The following SULT1B1 variants were observed in gnomAD, a reference collection of about 807,000 sequenced individuals.
SULT1B1 encodes the protein sulfotransferase family 1B member 1.
In SULT1B1, 28 loss-of-function variants were observed where a neutral mutation model predicts 34.6. The observed-to-expected ratio is 0.81, with a 90% CI of 0.60 to 1.11. SULT1B1 has a LOEUF of 1.11. SULT1B1 is among the 50% of genes least tolerant of loss of function. The probability of loss-of-function intolerance (pLI) is 0.00; values close to 1 mark genes in which losing one functional copy is unlikely to be tolerated. For synonymous variants in SULT1B1, 147 were observed against 110.2 expected (o/e 1.33, Z -2.09); for missense variants, 374 against 352.2 (o/e 1.06, Z -0.50).
At chr4:69,743,066 A>G (rs978885036) in intron 4 of SULT1B1, among the ~76,000 whole-genome samples, 1 of 152,210 alleles carries the variant, frequency 6.6e-6, no homozygotes, top group African/African-American at 2.4e-5. Flanking sequence ...GAAGGGCCAC[A>G]GGTCTTCTCT....
At chr4:69,754,245 C>T (rs1719097809) in intron 3 of SULT1B1, among the ~76,000 whole-genome samples, 1 of 152,046 alleles carries the variant, frequency 6.6e-6, no homozygotes, top group Non-Finnish European at 1.5e-5. Flanking sequence ...TACCATAGCA[C>T]AGTGAATAAT....
chr4:69,735,264 G>C (rs145352995), intron 4 of SULT1B1, among the ~76,000 whole-genome samples: 171 of 152,122 alleles, frequency 1.1e-3, no homozygotes, highest in African/African-American at 4.0e-3. Context: ...ATATACTCTT[G>C]GATTGGGCAG....
At chr4:69,758,943 A>C (rs1275072083) in intron 1 of SULT1B1, among the ~76,000 whole-genome samples, 1 of 152,208 alleles carries the variant, frequency 6.6e-6, no homozygotes, top group Non-Finnish European at 1.5e-5. Context: ...GAAATGTGGA[A>C]TCTCAGGTTT....
intron 4 of SULT1B1, among the ~76,000 whole-genome samples, chr4:69,737,531 T>G (rs557801524): frequency 6.6e-6 from 1 of 152,346 alleles, no homozygotes; most frequent in African/African-American, 2.4e-5. Flanking sequence ...GTTCAGTTTA[T>G]GTACAGGATC....
chr4:69,730,967 G>C lies in SULT1B1; in HGVS notation c.598-286C>G, dbSNP rs191488333. On this transcript the variant is annotated intron_variant, in intron 6 of 7. Transcript: ENST00000310613. ...AACGAGCAGACATGATGATAGTAGAGAGAAGCCCAAAATTAAAGATAGTAG... is the reference window on the plus strand; with the variant it reads ...AACGAGCAGACATGATGATAGTAGACAGAAGCCCAAAATTAAAGATAGTAG... 3.9e-5 allele frequency among the ~76,000 whole-genome samples: 6 copies of C among 152,302 alleles called. No individual in the cohort carries two copies. The South Asian group carries it at 1.2e-3, about 32-fold the overall frequency.
chr4:69,738,876 C>T (rs1242787027), intron 4 of SULT1B1, among the ~76,000 whole-genome samples: 1 of 152,058 alleles, frequency 6.6e-6, no homozygotes, highest in Admixed American at 6.5e-5. Context: ...GACACCCATT[C>T]CAAATGGGAA....
intron 1 of SULT1B1, chr4:69,758,237 G>T: frequency 1.1e-6 from 1 of 894,532 alleles, no homozygotes; most frequent in Non-Finnish European, 1.3e-6. Flanking sequence ...CAGTGTACTT[G>T]GGATGAAGTT....
At chr4:69,758,452 T>G (rs1244088327) in intron 1 of SULT1B1, 2 of 985,336 alleles carry the variant, frequency 2.0e-6, no homozygotes, top group Non-Finnish European at 1.2e-6. Context: ...ACATTTTATT[T>G]TATTAACTTC....
intron 7 of SULT1B1, among the ~76,000 whole-genome samples, chr4:69,729,216 C>A (rs976468667): frequency 1.3e-5 from 2 of 151,948 alleles, no homozygotes; most frequent in Non-Finnish European, 1.5e-5. Flanking sequence ...CACAACTGAC[C>A]CTTGAACAAT....
At chr4:69,752,708 T>A (rs1719023871) in intron 3 of SULT1B1, among the ~76,000 whole-genome samples, 1 of 152,256 alleles carries the variant, frequency 6.6e-6, no homozygotes, top group Non-Finnish European at 1.5e-5. Context: ...GATCCGTCTC[T>A]GCCTACGGAA....
intron 4 of SULT1B1, among the ~76,000 whole-genome samples, chr4:69,734,690 C>CA (rs1718229123): frequency 6.6e-6 from 1 of 150,774 alleles, no homozygotes; most frequent in Non-Finnish European, 1.5e-5. Flanking sequence ...AGTGAAATAC[C>CA]GAGAAAAATA....
Position 69,721,918 on chromosome 4 carries a change from T to A in SULT1B1, c.*5170A>T, listed in dbSNP as rs116515565. The A allele has an allele frequency of 1.0e-3, 152 of 152,224 alleles. No individual in the cohort carries two copies. Among genetic ancestry groups the A allele is most frequent in the African/African-American group, 3.6e-3 (150 of 41,572 alleles). The allele number at this position is 152,224 out of a possible 1,614,324, so 9.4% of individuals were successfully genotyped here. On this transcript the variant is annotated 3_prime_UTR_variant, in exon 8 of 8. Coordinates refer to ENST00000310613, the MANE Select transcript of SULT1B1 (RefSeq NM_014465.4). The stretch of plus-strand genomic sequence containing the variant: ...TATGAGATTATTTTAAGTGTTTTCA[T>A]TTGGAAATTGTACTGATGATTCAAC...
chr4:69,744,961 T>A (rs1009803727), intron 4 of SULT1B1, among the ~76,000 whole-genome samples: 4 of 152,230 alleles, frequency 2.6e-5, no homozygotes, highest in Non-Finnish European at 5.9e-5. Flanking sequence ...AAGACTTTTT[T>A]AAAATTTTCT....
rs561938371 is a variant in SULT1B1, at chr4:69,721,795, T to G, written c.*5293A>C. On this transcript the variant is annotated 3_prime_UTR_variant, in exon 8 of 8. Transcript: ENST00000310613. Reference sequence around the variant, plus strand: ...TTTTAGAAAATAGCCCTTTAGTTTATTAAGGAAAATTTCCATGGATGAGGA... The same window carrying G: ...TTTTAGAAAATAGCCCTTTAGTTTAGTAAGGAAAATTTCCATGGATGAGGA... The G allele has an allele frequency of 6.6e-6, 1 of 152,106 alleles. No individual in the cohort carries two copies. The allele number at this position is 152,106 out of a possible 1,614,324, so 9.4% of individuals were successfully genotyped here. A position where few individuals can be genotyped will look rare whatever the true frequency, so the allele number is the denominator to read the frequency against.
chr4:69,746,532 T>G (rs1718751785), intron 4 of SULT1B1, among the ~76,000 whole-genome samples: 1 of 152,228 alleles, frequency 6.6e-6, no homozygotes. Context: ...GTTCCTTTAG[T>G]GCATTTTTTA....
At chr4:69,756,836 T>C (rs966822052) in intron 1 of SULT1B1, among the ~76,000 whole-genome samples, 1 of 151,784 alleles carries the variant, frequency 6.6e-6, no homozygotes, top group African/African-American at 2.4e-5. Context: ...TCCAGGAGAG[T>C]CACCCTTTTG....
intron 4 of SULT1B1, among the ~76,000 whole-genome samples, chr4:69,739,236 C>G (rs892985813): frequency 6.6e-6 from 1 of 152,332 alleles, no homozygotes; most frequent in South Asian, 2.1e-4. Context: ...TGTGGGGGCT[C>G]CAATCCCACA....
Position 69,730,656 on chromosome 4 carries a change from A to G in SULT1B1, c.623T>C (p.Ile208Thr). The change falls in exon 7 of 8, where the codon ATC becomes ACC. Residue 208 changes from isoleucine (I) to threonine (T), a missense_variant. By Grantham distance (89) the Ile-to-Thr change is moderately conservative (BLOSUM62 -1). Transcript: ENST00000310613. ...KENPKEEIKK[I>T]IRFLEKNLND... ...CAGGTTCTTCTCTAGAAATCTAATG[A>G]TCTTCTTGATTTCCTCCTTTGGATT... The G allele has an allele frequency of 6.2e-7, 1 of 1,612,466 alleles. No individual in the cohort carries two copies. The highest frequency in any genetic ancestry group is 8.5e-7 in the Non-Finnish European group (1 of 1,179,552).
At chr4:69,729,569 T>C (rs973061613) in intron 7 of SULT1B1, among the ~76,000 whole-genome samples, 1 of 152,138 alleles carries the variant, frequency 6.6e-6, no homozygotes, top group Admixed American at 6.6e-5. Flanking sequence ...GTTAAATATA[T>C]TGTTTTTAGA....
Sources: gnomAD v4.1 joint callset for allele counts (sites outside exome capture counted in the v4.1 genomes callset) on GRCh38, gnomAD v4.1.1 for gene constraint, MANE v1.5 for transcripts, NCBI Gene and HGNC (gene_info 2026-07-23, HGNC 2026-07-21) for gene names.